PTPRN2: variants seen among roughly 807,000 people sequenced by gnomAD.
PTPRN2 encodes receptor-type tyrosine-protein phosphatase N2.
In PTPRN2, 74 loss-of-function variants were observed where a neutral mutation model predicts 118.8. The ratio of observed to expected loss-of-function variants is 0.62; its 90% CI spans 0.52 to 0.76. The LOEUF is 0.76. Ranked by LOEUF, PTPRN2 falls within the 30% of genes least tolerant of loss-of-function variation. PTPRN2 has a pLI of 0.00. For synonymous variants in PTPRN2, 641 were observed against 608.0 expected (o/e 1.05, Z -0.80); for missense variants, 1,481 against 1,394.4 (o/e 1.06, Z -0.99).
At chr7:158,329,303 T>A (rs2151142541) in intron 2 of PTPRN2, among the ~76,000 whole-genome samples, 1 of 152,278 alleles carries the variant, frequency 6.6e-6, no homozygotes, top group Non-Finnish European at 1.5e-5. Context: ...CATGCCTCCC[T>A]CACGGAGCAC....
intron 3 of PTPRN2, among the ~76,000 whole-genome samples, chr7:158,251,730 G>A (rs972787826): frequency 6.6e-6 from 1 of 151,864 alleles, no homozygotes; most frequent in Non-Finnish European, 1.5e-5. Context: ...TGCACGTGTG[G>A]TGTGCACAGG....
chr7:158,546,212 A>G lies in PTPRN2; in HGVS notation c.112+41346T>C, dbSNP rs1256532001. 6.6e-6 allele frequency among the ~76,000 whole-genome samples: 1 copy of G among 152,212 alleles called. No individual in the cohort carries two copies. Among genetic ancestry groups the G allele is most frequent in the African/African-American group, 2.4e-5 (1 of 41,456 alleles). Reference sequence around the variant, plus strand: ...GCCTGTCTCCTCCCTGAGAGGAACCATCAGGGAGCCTCGGTATCAGCATCA... The same window carrying G: ...GCCTGTCTCCTCCCTGAGAGGAACCGTCAGGGAGCCTCGGTATCAGCATCA... On this transcript the variant is annotated intron_variant, in intron 1 of 22. Transcript: ENST00000389418. The surrounding 1 kb of genome is among the most constrained non-coding windows in gnomAD (Gnocchi z 5.0).
chr7:158,406,846 T>C (rs909340863), intron 2 of PTPRN2, among the ~76,000 whole-genome samples: 1 of 152,240 alleles, frequency 6.6e-6, no homozygotes, highest in Non-Finnish European at 1.5e-5. Flanking sequence ...AAACAGACCC[T>C]GGATGACAGA....
chr7:158,026,059 G>T (rs1040322974), intron 11 of PTPRN2, among the ~76,000 whole-genome samples: 1 of 152,258 alleles, frequency 6.6e-6, no homozygotes, highest in Non-Finnish European at 1.5e-5. Flanking sequence ...TGTATGCCAA[G>T]CACGGCCCAT....
chr7:157,993,341 C>A lies in PTPRN2; in HGVS notation c.1723+87957G>T, dbSNP rs913952387. 1.9e-4 allele frequency among the ~76,000 whole-genome samples: 28 copies of A among 150,904 alleles called. No homozygotes were observed. The East Asian group carries it at 3.9e-3, about 21-fold the overall frequency. On this transcript the variant is annotated intron_variant, in intron 11 of 22. Coordinates refer to ENST00000389418, the MANE Select transcript of PTPRN2 (RefSeq NM_002847.5). ...GACTTTATGAAATTAAAAAAAAAAA[C>A]CACCTAAGCAGCCCTGAGCCTCCGC...
intron 9 of PTPRN2, among the ~76,000 whole-genome samples, chr7:158,122,352 G>A (rs73745126): frequency 0.014 from 2,191 of 152,222 alleles, 53 homozygotes; most frequent in African/African-American, 0.05. Flanking sequence ...CTAAGGCCTC[G>A]GCAAGCACTC....
At chr7:158,409,546 C>G (rs2151429453) in intron 2 of PTPRN2, among the ~76,000 whole-genome samples, 1 of 152,314 alleles carries the variant, frequency 6.6e-6, no homozygotes, top group African/African-American at 2.4e-5. Flanking sequence ...ATGTTATGAA[C>G]ATGCCTGAAA....
chr7:158,329,918 G>C (rs1011143148), intron 2 of PTPRN2, among the ~76,000 whole-genome samples: 6 of 152,074 alleles, frequency 3.9e-5, no homozygotes, highest in African/African-American at 9.7e-5. Context: ...GTGACTGGCA[G>C]AGTGTCCTAT....
intron 12 of PTPRN2, among the ~76,000 whole-genome samples, chr7:157,883,252 A>G (rs1289645960): frequency 1.3e-5 from 2 of 151,566 alleles, no homozygotes; most frequent in Admixed American, 1.3e-4. Flanking sequence ...CAGAGACCAG[A>G]ACACACCACC....
At chr7:158,037,974 C>T (rs1052718035) in intron 11 of PTPRN2, among the ~76,000 whole-genome samples, 4 of 152,158 alleles carry the variant, frequency 2.6e-5, no homozygotes, top group Admixed American at 6.5e-5. Context: ...TGTCTGAATC[C>T]GCTAACCTCC....
chr7:158,383,147 C>T (rs1384678825), intron 2 of PTPRN2, among the ~76,000 whole-genome samples: 1 of 152,114 alleles, frequency 6.6e-6, no homozygotes, highest in Non-Finnish European at 1.5e-5. Flanking sequence ...GACCCACCTC[C>T]TGAGCTAACG....
intron 17 of PTPRN2, among the ~76,000 whole-genome samples, chr7:157,588,365 G>A (rs928706103): frequency 2.0e-5 from 3 of 152,240 alleles, no homozygotes; most frequent in African/African-American, 4.8e-5. Flanking sequence ...GAGGTGGTCC[G>A]TGATGGAATA....
chr7:158,395,364 GGGGCGA>G (rs1278411838), intron 2 of PTPRN2, among the ~76,000 whole-genome samples: 4 of 3,116 alleles, frequency 1.3e-3, no homozygotes, highest in African/African-American at 6.2e-3. Context: ...CCAGGGGCGA[GGGGCGA>G]GGGGGAGGCG....
intron 12 of PTPRN2, among the ~76,000 whole-genome samples, chr7:157,718,668 G>A (rs973010771): frequency 1.3e-5 from 2 of 151,772 alleles, no homozygotes; most frequent in Non-Finnish European, 1.5e-5. Context: ...AGGCATCCGC[G>A]GTGACACTGC....
chr7:157,798,310 G>A (rs1212773708), intron 12 of PTPRN2, among the ~76,000 whole-genome samples: 1 of 152,158 alleles, frequency 6.6e-6, no homozygotes, highest in Non-Finnish European at 1.5e-5. Context: ...CTACCTTTTG[G>A]AATGTGAAAT....
chr7:157,927,707 T>C (rs1799109229), intron 11 of PTPRN2, among the ~76,000 whole-genome samples: 1 of 151,818 alleles, frequency 6.6e-6, no homozygotes, highest in South Asian at 2.1e-4. Context: ...GTGTGGTGTG[T>C]GGGAAGCAGG....
chr7:158,276,058 C>G (rs1208508549), intron 3 of PTPRN2, among the ~76,000 whole-genome samples: 1 of 152,158 alleles, frequency 6.6e-6, no homozygotes, highest in Non-Finnish European at 1.5e-5. Context: ...CCTACAGTCT[C>G]CTGGGAGCCC....
intron 2 of PTPRN2, among the ~76,000 whole-genome samples, chr7:158,333,332 A>C (rs1294608136): frequency 1.3e-4 from 19 of 141,062 alleles, no homozygotes; most frequent in African/African-American, 4.4e-4. Flanking sequence ...CCACACTGTC[A>C]CCATAAGAGG....
Position 158,355,604 on chromosome 7 carries a change from G to A in PTPRN2, c.164-38672C>T, listed in dbSNP as rs572843914. Among the ~76,000 whole-genome samples, 9 of 152,328 alleles carry A rather than the reference G, an allele frequency of 5.9e-5. No individual in the cohort carries two copies. In the East Asian group the frequency reaches 9.7e-4, roughly 16 times the overall value. ...CAGGCAGGCTGGGCCCCAGAAGCAC[G>A]CAGTGGAGAAGCCCGCAGCAGTGCA... On this transcript the variant is annotated intron_variant, in intron 2 of 22. Coordinates refer to ENST00000389418, the MANE Select transcript of PTPRN2 (RefSeq NM_002847.5).
Sources: allele counts gnomAD v4.1 joint callset (sites outside exome capture counted in the v4.1 genomes callset), GRCh38; gene constraint gnomAD v4.1.1; non-coding constraint Gnocchi (gnomAD v3.1); transcripts MANE v1.5; gene names NCBI Gene and HGNC (gene_info 2026-07-23, HGNC 2026-07-21).